Variants in MYBL1 observed in about 807,000 individuals in gnomAD.
MYBL1 encodes myb-related protein A.
Under a neutral mutation model 96.3 loss-of-function variants are expected in MYBL1, and 17 were observed. The ratio of observed to expected loss-of-function variants is 0.18; its 90% CI spans 0.12 to 0.26. The LOEUF (loss-of-function observed/expected upper bound fraction) is 0.26, where lower values mean the gene tolerates loss of function less well. Ranked by LOEUF, MYBL1 falls within the 10% of genes least tolerant of loss-of-function variation. The pLI is 1.00. For missense variants in MYBL1, 701 were observed against 882.9 expected, an observed-to-expected ratio of 0.79 and a Z score of 2.61; for synonymous variants, 282 against 292.7, an observed-to-expected ratio of 0.96 and a Z score of 0.37.
chr8:66,571,303 GAAT>G (rs1808718554), intron 12 of MYBL1, among the ~76,000 whole-genome samples: 2 of 152,188 alleles, frequency 1.3e-5, no homozygotes, highest in South Asian at 2.1e-4. Flanking sequence ...ACTATTATTA[GAAT>G]AATAGCAGCA....
At chr8:66,575,929 T>C (rs1808920287) in intron 10 of MYBL1, 78 bp downstream of exon 10, 1 of 1,415,748 alleles carries the variant, frequency 7.1e-7, no homozygotes, top group Non-Finnish European at 9.6e-7. Flanking sequence ...AGCTACCAAC[T>C]GCTAGTAAGG....
intron 14 of MYBL1, 150 bp downstream of exon 14, chr8:66,566,534 A>C: frequency 1.8e-6 from 1 of 559,308 alleles, no homozygotes; most frequent in Non-Finnish European, 3.1e-6. Flanking sequence ...TCTACAGTGA[A>C]TAGTTTCTCT....
intron 9 of MYBL1, among the ~76,000 whole-genome samples, chr8:66,579,019 G>T (rs910975687): frequency 6.6e-6 from 1 of 151,934 alleles, no homozygotes; most frequent in African/African-American, 2.4e-5. Flanking sequence ...TCATAAATGG[G>T]AATTGAACAA....
intron 14 of MYBL1, 121 bp downstream of exon 14, chr8:66,566,563 T>A: frequency 1.6e-6 from 1 of 617,914 alleles, no homozygotes; most frequent in Non-Finnish European, 2.7e-6. Context: ...GGCAAAATGA[T>A]ACTAAGATAA....
At chr8:66,609,207 G>A (rs1810433342) in intron 1 of MYBL1, among the ~76,000 whole-genome samples, 1 of 152,018 alleles carries the variant, frequency 6.6e-6, no homozygotes, top group South Asian at 2.1e-4. Context: ...CACATGTGAT[G>A]TTAAGATAAA....
In MYBL1 at chr8:66,599,054, T is replaced by A. The variant is rs1334075976; in HGVS notation, c.287A>T (p.Gln96Leu). ...IKGPWTKEED[Q>L]RVIELVQKYG... ...TAAAGAATATGAACACATTACCCTC[T>A]GATCTTCTTCTTTAGTCCAAGGACC... Residue 96 changes from glutamine (Q) to leucine (L), a missense_variant, in exon 4 of 16, where the codon CAG (glutamine) becomes CTG (leucine). Coordinates refer to ENST00000522677, the MANE Select transcript of MYBL1 (RefSeq NM_001080416.4). 3 of 1,580,438 alleles carry A rather than the reference T, an allele frequency of 1.9e-6. No homozygotes were observed. Among genetic ancestry groups the A allele is most frequent in the African/African-American group, 2.7e-5 (2 of 73,326 alleles).
chr8:66,610,351 C>G (rs966988379), intron 1 of MYBL1, among the ~76,000 whole-genome samples: 5 of 151,612 alleles, frequency 3.3e-5, no homozygotes, highest in African/African-American at 9.7e-5. Context: ...CAGCTAACAT[C>G]CTGCAGTTGT....
chr8:66,566,635 G>C (rs1458802226), intron 14 of MYBL1, 49 bp downstream of exon 14: 1 of 1,252,858 alleles, frequency 8.0e-7, no homozygotes, highest in African/African-American at 1.5e-5. Flanking sequence ...GAACCTCTAG[G>C]ACTTAAAGCA....
intron 12 of MYBL1, 47 bp from the exon 13 acceptor site, chr8:66,567,039 C>T (rs1808532732): frequency 3.9e-6 from 5 of 1,267,320 alleles, no homozygotes; most frequent in Non-Finnish European, 5.7e-6. Context: ...ATAGCAATTC[C>T]TTTTTCTCCC....
At chr8:66,596,481 T>G (rs1028772534) in intron 5 of MYBL1, among the ~76,000 whole-genome samples, 14 of 152,152 alleles carry the variant, frequency 9.2e-5, no homozygotes, top group Non-Finnish European at 4.4e-5. Context: ...CTAGGTTCTA[T>G]GAAAAGTAAG....
chr8:66,570,390 G>C (rs540700584), intron 12 of MYBL1, among the ~76,000 whole-genome samples: 1 of 150,578 alleles, frequency 6.6e-6, no homozygotes, highest in East Asian at 1.9e-4. Flanking sequence ...ACTCACTGTA[G>C]CCTCCACTTC....
At position 66,590,436 on chromosome 8, in the gene MYBL1, T is replaced by C. The variant is rs977534232; in HGVS notation, c.867+2004A>G. 3.3e-5 allele frequency among the ~76,000 whole-genome samples: 5 copies of C among 152,118 alleles called. No individual in the cohort carries two copies. The South Asian group carries it at 1.0e-3, about 32-fold the overall frequency. On this transcript the variant is annotated intron_variant, in intron 8 of 15. Transcript: ENST00000522677. ...GTGTTCAAGACTACCCTGGGGAATA[T>C]GGTGAAATGCCATCTCTACTAAAAC... is the stretch of plus-strand genomic sequence containing the variant.
At chr8:66,608,070 T>C (rs1232434090) in intron 1 of MYBL1, among the ~76,000 whole-genome samples, 1 of 152,220 alleles carries the variant, frequency 6.6e-6, no homozygotes, top group Non-Finnish European at 1.5e-5. Flanking sequence ...CGAAACCCAC[T>C]TTAAGGTTCT....
At chr8:66,593,229 T>C (rs780285444) in intron 6 of MYBL1, 35 bp from the exon 7 acceptor site, 2 of 1,310,384 alleles carry the variant, frequency 1.5e-6, no homozygotes, top group African/African-American at 3.0e-5. Flanking sequence ...ATCATACATA[T>C]AATGCTATAA....
In MYBL1 at chr8:66,586,547, G is replaced by A. The variant is rs933561001; in HGVS notation, c.867+5893C>T. On this transcript the variant is annotated intron_variant, in intron 8 of 15. Transcript: ENST00000522677. The stretch of plus-strand genomic sequence containing the variant: ...ACAAAAAATAACAGATGCTGGCAAA[G>A]ATGTGGAGAAAGGGGAACTCTACTG... Among the ~76,000 whole-genome samples the A allele has an allele frequency of 3.3e-5, 5 of 152,324 alleles. No homozygotes were observed. In the South Asian group the frequency reaches 1.0e-3, roughly 32 times the overall value.
At chr8:66,572,641 T>G in intron 11 of MYBL1, 45 bp from the exon 12 acceptor site, 1 of 963,050 alleles carries the variant, frequency 1.0e-6, no homozygotes, top group Non-Finnish European at 1.5e-6. Context: ...CGATCTGATT[T>G]CATACAAGTT....
chr8:66,576,378 G>A lies in MYBL1; in HGVS notation c.1102-3C>T. 3 of 1,593,944 alleles carry A rather than the reference G, an allele frequency of 1.9e-6. No homozygotes were observed. Among genetic ancestry groups the A allele is most frequent in the Non-Finnish European group, 1.7e-6 (2 of 1,172,518 alleles). ...ACGTCACTCCATGCTACAGGATCCT[G>A]CAATAAATTAAACTGTTAATAAAGT... On this transcript the variant is annotated splice_region_variant and splice_polypyrimidine_tract_variant and intron_variant, in intron 9 of 15. Coordinates refer to ENST00000522677, the MANE Select transcript of MYBL1 (RefSeq NM_001080416.4).
Position 66,566,246 on chromosome 8 carries a change from A to T in MYBL1, c.1951-3T>A. The T allele has an allele frequency of 6.9e-7, 1 of 1,439,930 alleles. No individual in the cohort carries two copies. Among genetic ancestry groups the T allele is most frequent in the Non-Finnish European group, 9.4e-7 (1 of 1,067,692 alleles). 89.2% of individuals were successfully genotyped at this position (1,439,930 alleles called of 1,614,324 possible). On this transcript the variant is annotated splice_region_variant and splice_polypyrimidine_tract_variant and intron_variant, in intron 14 of 15. Transcript: ENST00000522677. ...GATGTAGTAAATCTATTTTCTGACT[A>T]AGAGAGAAAAAAGAAAGAGGAAAAT...
chr8:66,573,046 C>T lies in MYBL1; in HGVS notation c.1613+318G>A, dbSNP rs560947149. Among the ~76,000 whole-genome samples, 5 of 152,186 alleles carry T rather than the reference C, an allele frequency of 3.3e-5. No individual in the cohort carries two copies. In the East Asian group the frequency reaches 9.6e-4, roughly 29 times the overall value. ...CCTGGCCAACATAGTGAAACCCCAT[C>T]TCTACTACATACACAATATTAACCA... On this transcript the variant is annotated intron_variant, in intron 11 of 15. Transcript: ENST00000522677.
Sources: gnomAD v4.1 joint callset for allele counts (sites outside exome capture counted in the v4.1 genomes callset) on GRCh38, gnomAD v4.1.1 for gene constraint, MANE v1.5 for transcripts, NCBI Gene and HGNC (gene_info 2026-07-23, HGNC 2026-07-21) for gene names.